TBC1D22B: variants seen among roughly 807,000 people sequenced by gnomAD.
The protein encoded by TBC1D22B is chromosome 6 open reading frame 197.
In TBC1D22B, 32 loss-of-function variants were observed where a neutral mutation model predicts 69.1. That is an observed-to-expected ratio of 0.46 (90% CI 0.35 to 0.62). TBC1D22B has a LOEUF of 0.62. Ranked by LOEUF, TBC1D22B falls within the 20% of genes least tolerant of loss-of-function variation. TBC1D22B has a pLI of 0.00. For missense variants in TBC1D22B, 462 were observed against 630.9 expected (o/e 0.73, Z 2.87); for synonymous variants, 206 against 229.8 (o/e 0.90, Z 0.94).
chr6:37,270,082 T>C (rs1013569911), intron 2 of TBC1D22B, among the ~76,000 whole-genome samples: 1 of 152,150 alleles, frequency 6.6e-6, no homozygotes, highest in Non-Finnish European at 1.5e-5. Flanking sequence ...AGAATATAAC[T>C]GTAGGCTGGC....
intron 1 of TBC1D22B, among the ~76,000 whole-genome samples, chr6:37,261,444 A>AG (rs1766099291): frequency 6.6e-6 from 1 of 151,728 alleles, no homozygotes; most frequent in African/African-American, 2.4e-5. Flanking sequence ...AAAAAAAAAA[A>AG]AAAAAAAAAT....
At chr6:37,308,286 A>G (rs998485615) in intron 8 of TBC1D22B, among the ~76,000 whole-genome samples, 1 of 152,104 alleles carries the variant, frequency 6.6e-6, no homozygotes, top group Non-Finnish European at 1.5e-5. Context: ...AGCTTCAATT[A>G]TGTGTTGAAT....
intron 8 of TBC1D22B, 52 bp from the exon 9 acceptor site, chr6:37,312,866 C>G (rs1453232770): frequency 2.7e-6 from 4 of 1,456,394 alleles, no homozygotes; most frequent in Non-Finnish European, 2.9e-6. Context: ...CTATCTTTCT[C>G]TCTCCATTTT....
At chr6:37,302,731 G>A (rs1451855534) in intron 8 of TBC1D22B, among the ~76,000 whole-genome samples, 2 of 152,238 alleles carry the variant, frequency 1.3e-5, no homozygotes, top group African/African-American at 4.8e-5. Context: ...CCTCTGACTT[G>A]TGTCCGGTTC....
At chr6:37,317,083 G>T (rs2113785686) in intron 11 of TBC1D22B, 28 bp from the exon 12 acceptor site, 1 of 1,551,224 alleles carries the variant, frequency 6.4e-7, no homozygotes, top group South Asian at 1.2e-5. Flanking sequence ...AGGGCTGGGA[G>T]ACCTAACTCT....
intron 7 of TBC1D22B, among the ~76,000 whole-genome samples, chr6:37,288,622 G>T (rs1767081807): frequency 6.6e-6 from 1 of 151,880 alleles, no homozygotes; most frequent in African/African-American, 2.4e-5. Context: ...GTGCTACTGT[G>T]CCTGTGCTAC....
intron 2 of TBC1D22B, among the ~76,000 whole-genome samples, chr6:37,275,966 CTTT>C (rs149995165): frequency 3.0e-5 from 4 of 133,192 alleles, no homozygotes; most frequent in Non-Finnish European, 3.3e-5. Context: ...TTCTTTTTTT[CTTT>C]TTTTTTTTTT....
chr6:37,310,709 A>C (rs1189433601), intron 8 of TBC1D22B, among the ~76,000 whole-genome samples: 1 of 152,198 alleles, frequency 6.6e-6, no homozygotes, highest in African/African-American at 2.4e-5. Context: ...TGATCTTTAT[A>C]TGCTATCTAG....
intron 8 of TBC1D22B, 34 bp downstream of exon 8, chr6:37,291,391 TTGC>T: frequency 7.1e-7 from 1 of 1,418,126 alleles, no homozygotes; most frequent in Non-Finnish European, 9.7e-7. Context: ...GAACAAGCTA[TTGC>T]TCTTTCTTAT....
At chr6:37,307,633 C>T (rs1283902112) in intron 8 of TBC1D22B, among the ~76,000 whole-genome samples, 1 of 152,102 alleles carries the variant, frequency 6.6e-6, no homozygotes, top group African/African-American at 2.4e-5. Context: ...GGATTACAGG[C>T]GTGAGCCACA....
rs1475347197 is a variant in TBC1D22B, at chr6:37,272,328, G to A, written c.113+2678G>A. On this transcript the variant is annotated intron_variant, in intron 2 of 12. Transcript: ENST00000373491. ...GATCTGCCTGCCTCGGCCTCCCAAA[G>A]TGCTAGGATTGCAGGCAAGAGCCAC... Among the ~76,000 whole-genome samples, 3 of 150,662 alleles carry A rather than the reference G, an allele frequency of 2.0e-5. No homozygotes were observed. In the East Asian group the frequency reaches 5.9e-4, roughly 30 times the overall value.
At chr6:37,281,861 A>G (rs922685157) in intron 3 of TBC1D22B, among the ~76,000 whole-genome samples, 12 of 152,154 alleles carry the variant, frequency 7.9e-5, no homozygotes, top group African/African-American at 2.9e-4. Flanking sequence ...AAGTTCTCAA[A>G]AGTTGCTGCA....
intron 10 of TBC1D22B, among the ~76,000 whole-genome samples, chr6:37,316,487 T>TA (rs1353986054): frequency 2.0e-5 from 3 of 152,178 alleles, no homozygotes; most frequent in African/African-American, 7.2e-5. Context: ...TGGGGGATGT[T>TA]AAAATAGTTC....
chr6:37,259,565 T>C (rs1288749219), intron 1 of TBC1D22B, among the ~76,000 whole-genome samples: 1 of 152,224 alleles, frequency 6.6e-6, no homozygotes, highest in African/African-American at 2.4e-5. Context: ...AATCTTTTTT[T>C]CCTATATTTC....
intron 8 of TBC1D22B, among the ~76,000 whole-genome samples, chr6:37,297,943 G>A (rs1283128900): frequency 6.6e-6 from 1 of 152,104 alleles, no homozygotes; most frequent in Non-Finnish European, 1.5e-5. Context: ...ACTAACACAG[G>A]AACAGAAAAC....
intron 1 of TBC1D22B, among the ~76,000 whole-genome samples, chr6:37,262,971 T>C (rs1399495886): frequency 6.6e-6 from 1 of 152,256 alleles, no homozygotes; most frequent in Non-Finnish European, 1.5e-5. Context: ...CCATTTTGTC[T>C]GCGTGGCAGC....
intron 8 of TBC1D22B, chr6:37,295,681 G>T: frequency 2.5e-6 from 1 of 399,528 alleles, no homozygotes. Context: ...CATTAGCTGA[G>T]ATTTAATTCC....
intron 12 of TBC1D22B, among the ~76,000 whole-genome samples, chr6:37,330,633 G>A (rs1768557087): frequency 6.6e-6 from 1 of 152,030 alleles, no homozygotes; most frequent in Admixed American, 6.6e-5. Flanking sequence ...GTGACAGAGC[G>A]AGATCCTGTC....
intron 5 of TBC1D22B, among the ~76,000 whole-genome samples, chr6:37,283,350 C>G (rs1259718244): frequency 6.6e-6 from 1 of 152,178 alleles, no homozygotes; most frequent in Non-Finnish European, 1.5e-5. Context: ...CCCTTGGAAG[C>G]TTTACTAGTC....
Sources: gnomAD v4.1 joint callset for allele counts (sites outside exome capture counted in the v4.1 genomes callset) on GRCh38, gnomAD v4.1.1 for gene constraint, MANE v1.5 for transcripts, NCBI Gene and HGNC (gene_info 2026-07-23, HGNC 2026-07-21) for gene names.